The following MECOM variants were observed in gnomAD, a reference collection of about 807,000 sequenced individuals.
The protein encoded by MECOM is histone-lysine N-methyltransferase MECOM.
In MECOM, 13 loss-of-function variants were observed where a neutral mutation model predicts 116.3. The ratio of observed to expected loss-of-function variants is 0.11; its 90% CI spans 0.07 to 0.18. MECOM has a LOEUF of 0.18. Among genes scored for constraint, MECOM ranks in the 10% least tolerant of loss-of-function variants. MECOM has a pLI of 1.00. For synonymous variants in MECOM, 528 were observed against 535.2 expected (o/e 0.99, Z 0.19); for missense variants, 1,299 against 1,509.0 (o/e 0.86, Z 2.31).
intron 15 of MECOM, 87 bp from the exon 16 acceptor site, chr3:169,089,270 T>C: frequency 1.0e-6 from 1 of 979,102 alleles, no homozygotes; most frequent in Non-Finnish European, 1.4e-6. Flanking sequence ...TCTATACAAC[T>C]GACAAACTTC....
At chr3:169,530,994 C>T (rs1758558396) in intron 1 of MECOM, among the ~76,000 whole-genome samples, 2 of 152,104 alleles carry the variant, frequency 1.3e-5, no homozygotes, top group African/African-American at 4.8e-5. Flanking sequence ...CTGCAGGTTA[C>T]CACACCTAAA....
intron 1 of MECOM, among the ~76,000 whole-genome samples, chr3:169,586,811 T>C (rs1398881532): frequency 6.6e-6 from 1 of 152,228 alleles, no homozygotes. Flanking sequence ...GTTTGGTCAG[T>C]TCTTAAAGCA....
At chr3:169,657,020 A>C (rs1775620865) in intron 1 of MECOM, among the ~76,000 whole-genome samples, 1 of 152,226 alleles carries the variant, frequency 6.6e-6, no homozygotes, top group Non-Finnish European at 1.5e-5. Context: ...CTTCCAACTT[A>C]CAAGGACATA....
At chr3:169,432,956 C>A (rs1030280897) in intron 1 of MECOM, among the ~76,000 whole-genome samples, 1 of 152,148 alleles carries the variant, frequency 6.6e-6, no homozygotes, top group Non-Finnish European at 1.5e-5. Context: ...CTTCTCTGGG[C>A]AAAAAGCTCA....
chr3:169,376,873 A>G (rs1405238650), intron 2 of MECOM, among the ~76,000 whole-genome samples: 1 of 152,202 alleles, frequency 6.6e-6, no homozygotes, highest in African/African-American at 2.4e-5. Context: ...AGCCAAGACA[A>G]TGCTAAGCAA....
intron 1 of MECOM, among the ~76,000 whole-genome samples, chr3:169,592,514 GC>G (rs1170445188): frequency 6.6e-6 from 1 of 151,848 alleles, no homozygotes; most frequent in Non-Finnish European, 1.5e-5. Context: ...GGTGTCCACC[GC>G]CCTCTCCTCT....
chr3:169,190,680 T>C (rs1747406628), intron 2 of MECOM, among the ~76,000 whole-genome samples: 1 of 152,014 alleles, frequency 6.6e-6, no homozygotes. Context: ...GACATTTTTG[T>C]CTCCCAAACA....
intron 1 of MECOM, among the ~76,000 whole-genome samples, chr3:169,515,901 A>T (rs868738474): frequency 0.018 from 2,750 of 152,310 alleles, 29 homozygotes; most frequent in Middle Eastern, 0.037. Context: ...TTTTTCAAAT[A>T]CCAATTTTTT....
intron 3 of MECOM, among the ~76,000 whole-genome samples, chr3:169,138,343 T>C (rs1391354842): frequency 2.6e-5 from 4 of 152,130 alleles, no homozygotes; most frequent in Non-Finnish European, 5.9e-5. Flanking sequence ...GTTATGTCAG[T>C]GTTGCATCCT....
intron 2 of MECOM, among the ~76,000 whole-genome samples, chr3:169,325,212 C>T (rs1721642038): frequency 6.6e-6 from 1 of 152,144 alleles, no homozygotes; most frequent in African/African-American, 2.4e-5. Flanking sequence ...CTTGTTTTTG[C>T]TTTCGGACAG....
chr3:169,146,672 C>G (rs1469889706), intron 2 of MECOM: 1 of 1,329,656 alleles, frequency 7.5e-7, no homozygotes, highest in South Asian at 1.2e-5. Context: ...AAGTGACAAA[C>G]TTTCACATCG....
chr3:169,194,315 G>A (rs907720443), intron 2 of MECOM, among the ~76,000 whole-genome samples: 6 of 151,984 alleles, frequency 3.9e-5, no homozygotes, highest in African/African-American at 1.4e-4. Flanking sequence ...GGCCCGTTGT[G>A]GGGTGGGGGG....
chr3:169,475,654 C>A (rs1181243757), intron 1 of MECOM, among the ~76,000 whole-genome samples: 2 of 151,640 alleles, frequency 1.3e-5, no homozygotes, highest in Admixed American at 6.6e-5. Flanking sequence ...TCCTTAAATG[C>A]ATATTTAAAA....
At chr3:169,402,250 G>T (rs1736021430) in intron 1 of MECOM, among the ~76,000 whole-genome samples, 1 of 152,138 alleles carries the variant, frequency 6.6e-6, no homozygotes, top group Non-Finnish European at 1.5e-5. Flanking sequence ...GGACACATAT[G>T]GGGGCTGAGG....
At chr3:169,378,514 A>G (rs1191465995) in intron 2 of MECOM, among the ~76,000 whole-genome samples, 2 of 26,886 alleles carry the variant, frequency 7.4e-5, no homozygotes, top group Non-Finnish European at 1.3e-4. Context: ...AGAAAGAAAG[A>G]AAAGAAAGAA....
chr3:169,371,567 A>G (rs1308408602), intron 2 of MECOM, among the ~76,000 whole-genome samples: 22 of 151,758 alleles, frequency 1.4e-4, no homozygotes, highest in Admixed American at 1.4e-3. Context: ...GGTGATGGGT[A>G]TCTTAATTAG....
intron 1 of MECOM, among the ~76,000 whole-genome samples, chr3:169,426,630 A>G (rs1740747484): frequency 1.3e-5 from 2 of 152,230 alleles, no homozygotes; most frequent in South Asian, 4.1e-4. Context: ...CACTAATAGC[A>G]TGAAACATAT....
chr3:169,438,096 G>T (rs963648411), intron 1 of MECOM, among the ~76,000 whole-genome samples: 6 of 152,138 alleles, frequency 3.9e-5, no homozygotes, highest in Non-Finnish European at 8.8e-5. Flanking sequence ...GTAATATTAG[G>T]AAAAAGAATA....
chr3:169,485,803 A>G (rs994100043), intron 1 of MECOM, among the ~76,000 whole-genome samples: 2 of 148,398 alleles, frequency 1.3e-5, no homozygotes, highest in South Asian at 4.2e-4. Context: ...TTTGAAATGT[A>G]CAATTCTTCC....
Sources: allele counts gnomAD v4.1 joint callset (sites outside exome capture counted in the v4.1 genomes callset), GRCh38; gene constraint gnomAD v4.1.1; transcripts MANE v1.5; gene names NCBI Gene and HGNC (gene_info 2026-07-23, HGNC 2026-07-21).